The following SPON1 variants were observed in gnomAD, a reference collection of about 807,000 sequenced individuals.
The protein encoded by SPON1 is spondin-1.
A neutral mutation model predicts 111.7 loss-of-function variants in SPON1; 52 were observed. The ratio of observed to expected loss-of-function variants is 0.47; its 90% CI spans 0.37 to 0.59. SPON1 has a LOEUF of 0.59. Among genes scored for constraint, SPON1 ranks in the 20% least tolerant of loss-of-function variants. SPON1 has a pLI of 0.00. For missense variants in SPON1, 957 were observed against 1,068.5 expected (o/e 0.90, Z 1.46); for synonymous variants, 410 against 395.8 (o/e 1.04, Z -0.43).
chr11:14,255,493 A>G (rs974985116), intron 8 of SPON1, among the ~76,000 whole-genome samples, 154 bp from the exon 9 acceptor site: 2 of 152,264 alleles, frequency 1.3e-5, no homozygotes, highest in Admixed American at 6.5e-5. Context: ...TTCTCAGCAC[A>G]GTATGTGGCA....
intron 2 of SPON1, among the ~76,000 whole-genome samples, chr11:14,023,105 A>G (rs782601017): frequency 2.0e-5 from 3 of 152,118 alleles, no homozygotes; most frequent in Non-Finnish European, 4.4e-5. Context: ...GGTGAGACAA[A>G]TGGTGGCAGG....
chr11:14,164,940 G>C (rs370475039), intron 6 of SPON1, among the ~76,000 whole-genome samples: 4 of 152,304 alleles, frequency 2.6e-5, no homozygotes, highest in Admixed American at 6.5e-5. Flanking sequence ...GGTCCATCAA[G>C]TGCATGGTCT....
intron 2 of SPON1, among the ~76,000 whole-genome samples, chr11:14,024,005 G>GAAA (rs61433514): frequency 3.4e-5 from 5 of 145,168 alleles, no homozygotes; most frequent in African/African-American, 1.3e-4. Flanking sequence ...CCATCTCAAA[G>GAAA]AAAAAAAAAA....
chr11:14,227,654 T>C (rs532677838), intron 6 of SPON1, among the ~76,000 whole-genome samples: 2 of 152,316 alleles, frequency 1.3e-5, no homozygotes, highest in African/African-American at 4.8e-5. Context: ...TGTCAGAAAC[T>C]TTGAAATCAT....
chr11:14,017,535 A>G (rs1848452236), intron 2 of SPON1, among the ~76,000 whole-genome samples: 1 of 152,188 alleles, frequency 6.6e-6, no homozygotes, highest in Non-Finnish European at 1.5e-5. Context: ...GTTCATATTC[A>G]TCCTGTCATT....
At chr11:14,253,643 C>G (rs1203576911) in intron 7 of SPON1, among the ~76,000 whole-genome samples, 1 of 152,238 alleles carries the variant, frequency 6.6e-6, no homozygotes, top group Non-Finnish European at 1.5e-5. Flanking sequence ...CTGAACAGAA[C>G]AGTTGGTCTC....
intron 5 of SPON1, among the ~76,000 whole-genome samples, chr11:14,125,338 A>G (rs1487185579): frequency 6.6e-6 from 1 of 152,244 alleles, no homozygotes; most frequent in African/African-American, 2.4e-5. Context: ...CACATTGTGC[A>G]TGGATGAGTC....
intron 2 of SPON1, among the ~76,000 whole-genome samples, chr11:14,034,481 GCAAA>G (rs1286836713): frequency 2.0e-5 from 3 of 152,222 alleles, no homozygotes; most frequent in Non-Finnish European, 2.9e-5. Flanking sequence ...TTTCTGAGAA[GCAAA>G]CAATGTTTGG....
chr11:14,057,844 C>CAAAACATAAAA (rs1848758197), intron 3 of SPON1, among the ~76,000 whole-genome samples: 1 of 125,460 alleles, frequency 8.0e-6, no homozygotes, highest in Admixed American at 8.1e-5. Flanking sequence ...AAAAAAAAAA[C>CAAAACATAAAA]AAAACAAAAA....
At chr11:13,967,539 GA>G (rs57095669) in intron 1 of SPON1, among the ~76,000 whole-genome samples, 118,652 of 142,116 alleles carry the variant, frequency 0.83, 49,316 homozygotes, top group East Asian at 0.97. Flanking sequence ...AACCCAGAAA[GA>G]AAAAAAAAAA....
At chr11:14,004,339 C>T (rs2133794396) in intron 2 of SPON1, among the ~76,000 whole-genome samples, 1 of 152,166 alleles carries the variant, frequency 6.6e-6, no homozygotes, top group East Asian at 1.9e-4. Context: ...AGTTTATCTC[C>T]TCTAGGTAAA....
chr11:14,255,688 C>G lies in SPON1; in HGVS notation c.1134C>G (p.Pro378=). The change falls in exon 9 of 16, where the codon CCC becomes CCG. Residue 378 remains proline (P), a synonymous_variant. Coordinates refer to ENST00000576479, the MANE Select transcript of SPON1 (RefSeq NM_006108.4). ...CCATTCCCCAGGAGAAAATCCGGCC[C>G]CTGACCAGCCTGGACCATCCTCAGA... is the stretch of plus-strand genomic sequence containing the variant. ...KPTIPQEKIR[P]LTSLDHPQSP... 6.2e-7 allele frequency: 1 copy of G among 1,613,976 alleles called. No individual in the cohort carries two copies. Among genetic ancestry groups the G allele is most frequent in the Non-Finnish European group, 8.5e-7 (1 of 1,179,880 alleles).
intron 1 of SPON1, among the ~76,000 whole-genome samples, chr11:13,982,337 A>C (rs2133781049): frequency 6.6e-6 from 1 of 152,306 alleles, no homozygotes; most frequent in South Asian, 2.1e-4. Context: ...CACTGGCAGA[A>C]CTTGGTTATA....
chr11:14,058,739 T>C (rs540405763), intron 3 of SPON1, among the ~76,000 whole-genome samples: 1 of 152,348 alleles, frequency 6.6e-6, no homozygotes, highest in Admixed American at 6.5e-5. Context: ...TGCTCTAATT[T>C]TTTAATGACA....
chr11:14,129,394 C>T (rs1554927321), intron 5 of SPON1, among the ~76,000 whole-genome samples: 2 of 152,184 alleles, frequency 1.3e-5, no homozygotes, highest in East Asian at 3.8e-4. Context: ...CCACAGATCT[C>T]TAGAGCAGAA....
intron 2 of SPON1, among the ~76,000 whole-genome samples, chr11:14,019,826 C>T (rs1848468100): frequency 6.6e-6 from 1 of 152,128 alleles, no homozygotes. Context: ...AGCATGTCAC[C>T]CTCACCAACA....
chr11:14,013,233 T>A (rs373001887), intron 2 of SPON1, among the ~76,000 whole-genome samples: 129 of 152,304 alleles, frequency 8.5e-4, no homozygotes, highest in Middle Eastern at 3.4e-3. Context: ...GAATAGATCG[T>A]CTTTCTGCTT....
chr11:14,026,464 A>C (rs1848518829), intron 2 of SPON1, among the ~76,000 whole-genome samples: 1 of 152,354 alleles, frequency 6.6e-6, no homozygotes, highest in Non-Finnish European at 1.5e-5. Flanking sequence ...ACTCTAAAAC[A>C]AGAGGGAAAT....
At chr11:14,076,721 ATGAGC>A (rs1848921158) in intron 4 of SPON1, among the ~76,000 whole-genome samples, 1 of 152,138 alleles carries the variant, frequency 6.6e-6, no homozygotes, top group Middle Eastern at 3.2e-3. Flanking sequence ...CCTCCTGTAG[ATGAGC>A]TGAGCAGAAA....
Sources: gnomAD v4.1 joint callset for allele counts (sites outside exome capture counted in the v4.1 genomes callset) on GRCh38, gnomAD v4.1.1 for gene constraint, MANE v1.5 for transcripts, NCBI Gene and HGNC (gene_info 2026-07-23, HGNC 2026-07-21) for gene names.